CNBD1: variants seen among roughly 807,000 people sequenced by gnomAD.
CNBD1 encodes cyclic nucleotide binding domain containing 1.
CNBD1 carries 71 observed loss-of-function variants against 54.4 expected under a neutral mutation model. The ratio of observed to expected loss-of-function variants is 1.30; its 90% CI spans 1.08 to 1.59. CNBD1 has a LOEUF of 1.59. Among genes scored for constraint, CNBD1 ranks in the 40% most tolerant of loss-of-function variants. The pLI, the probability that CNBD1 is intolerant of heterozygous loss-of-function variation, is 0.00. For missense variants in CNBD1, 659 were observed against 518.0 expected, an observed-to-expected ratio of 1.27 and a Z score of -2.64; for synonymous variants, 182 against 170.7, an observed-to-expected ratio of 1.07 and a Z score of -0.51.
intron 6 of CNBD1, among the ~76,000 whole-genome samples, chr8:87,283,899 C>A (rs1383234672): frequency 6.6e-6 from 1 of 152,058 alleles, no homozygotes; most frequent in East Asian, 1.9e-4. Flanking sequence ...GACTGTTTGA[C>A]ATTTTAAATT....
chr8:86,996,489 T>G (rs1206200603), intron 4 of CNBD1, among the ~76,000 whole-genome samples: 1 of 152,256 alleles, frequency 6.6e-6, no homozygotes, highest in Non-Finnish European at 1.5e-5. Context: ...AAAACATTCC[T>G]CACATTGCTG....
rs117260202 is a variant in CNBD1 at position 87,372,828 on chromosome 8, C to T, written c.1304-9792C>T. On this transcript the variant is annotated intron_variant, in intron 10 of 10. Coordinates refer to ENST00000518476, the MANE Select transcript of CNBD1 (RefSeq NM_173538.3). The stretch of plus-strand genomic sequence containing the variant: ...TTATTTCTGTATGTAAACTATGCTT[C>T]CTTTTTATAGATGGTATAAGCCATG... 2.7e-3 allele frequency among the ~76,000 whole-genome samples: 409 copies of T among 151,810 alleles called. 1 individual carries two copies. Among genetic ancestry groups the T allele is most frequent in the Non-Finnish European group, 4.4e-3 (296 of 67,806 alleles).
intron 8 of CNBD1, among the ~76,000 whole-genome samples, chr8:87,336,672 A>G (rs1166366599): frequency 2.0e-5 from 3 of 151,980 alleles, no homozygotes; most frequent in Admixed American, 2.0e-4. Flanking sequence ...GTTTGTTATT[A>G]CCCACCTTCT....
At chr8:87,311,452 A>G (rs1809263565) in intron 8 of CNBD1, among the ~76,000 whole-genome samples, 1 of 152,114 alleles carries the variant, frequency 6.6e-6, no homozygotes, top group African/African-American at 2.4e-5. Flanking sequence ...AAAATAACAG[A>G]TGCTGGTGAG....
chr8:87,409,659 C>T (rs1377603020), intron 2 of CNBD1, among the ~76,000 whole-genome samples: 1 of 152,132 alleles, frequency 6.6e-6, no homozygotes, highest in Non-Finnish European at 1.5e-5. Flanking sequence ...CCTAATAAAG[C>T]TGATGACTTC....
chr8:87,327,024 A>G (rs959951790), intron 8 of CNBD1, among the ~76,000 whole-genome samples: 1 of 149,784 alleles, frequency 6.7e-6, no homozygotes, highest in African/African-American at 2.5e-5. Context: ...CTTCTAACAG[A>G]CAGCACCCTC....
At chr8:87,301,339 T>G (rs1358745107) in intron 8 of CNBD1, among the ~76,000 whole-genome samples, 2 of 152,080 alleles carry the variant, frequency 1.3e-5, no homozygotes, top group Admixed American at 1.3e-4. Flanking sequence ...CTCCTTAATT[T>G]ATTTTATGAA....
intron 4 of CNBD1, among the ~76,000 whole-genome samples, chr8:86,969,811 C>T (rs1028535270): frequency 6.6e-6 from 1 of 151,124 alleles, no homozygotes; most frequent in Non-Finnish European, 1.5e-5. Flanking sequence ...CACACACACA[C>T]ACACACACAC....
intron 4 of CNBD1, among the ~76,000 whole-genome samples, chr8:86,946,210 G>T (rs1346930827): frequency 1.3e-5 from 2 of 152,030 alleles, no homozygotes; most frequent in African/African-American, 2.4e-5. Context: ...GAATAATAAT[G>T]TGTTTCATTT....
intron 4 of CNBD1, among the ~76,000 whole-genome samples, chr8:87,167,569 G>A (rs1229673416): frequency 6.6e-6 from 1 of 151,598 alleles, no homozygotes; most frequent in Non-Finnish European, 1.5e-5. Flanking sequence ...TTTTTTTTCA[G>A]TGGGTTTAAC....
chr8:87,259,523 A>T (rs1305839168), intron 6 of CNBD1, among the ~76,000 whole-genome samples: 1 of 152,202 alleles, frequency 6.6e-6, no homozygotes, highest in Non-Finnish European at 1.5e-5. Flanking sequence ...ACTAAAAGAC[A>T]TTACTGTTTT....
intron 4 of CNBD1, among the ~76,000 whole-genome samples, chr8:87,006,140 A>G (rs1809092936): frequency 1.3e-5 from 2 of 152,180 alleles, no homozygotes; most frequent in South Asian, 4.1e-4. Context: ...AGATGGAGCA[A>G]GCATCTCTTT....
intron 5 of CNBD1, among the ~76,000 whole-genome samples, chr8:87,219,139 G>A (rs893355483): frequency 2.0e-5 from 3 of 151,894 alleles, no homozygotes; most frequent in Non-Finnish European, 4.4e-5. Context: ...GATACATGAG[G>A]CTTAGACATA....
At chr8:87,196,835 TAC>T (rs1360973382) in intron 4 of CNBD1, among the ~76,000 whole-genome samples, 1 of 152,198 alleles carries the variant, frequency 6.6e-6, no homozygotes, top group African/African-American at 2.4e-5. Context: ...ATCTCTGGAA[TAC>T]ACTAAAATTT....
chr8:87,150,325 A>G (rs1812578225), intron 4 of CNBD1, among the ~76,000 whole-genome samples: 1 of 152,220 alleles, frequency 6.6e-6, no homozygotes. Flanking sequence ...AATAGAGTGA[A>G]GGTCTATATG....
intron 4 of CNBD1, among the ~76,000 whole-genome samples, chr8:86,960,154 C>G (rs1807890101): frequency 6.6e-6 from 1 of 152,248 alleles, no homozygotes; most frequent in South Asian, 2.1e-4. Flanking sequence ...GTGGGTGCAG[C>G]CCACAGAGTG....
intron 4 of CNBD1, among the ~76,000 whole-genome samples, chr8:87,021,572 C>T (rs914610426): frequency 6.6e-6 from 1 of 152,172 alleles, no homozygotes; most frequent in African/African-American, 2.4e-5. Flanking sequence ...CAGTAGTTCT[C>T]AGCTATGGAC....
At chr8:86,985,815 A>G (rs555340194) in intron 4 of CNBD1, among the ~76,000 whole-genome samples, 1 of 152,332 alleles carries the variant, frequency 6.6e-6, no homozygotes, top group East Asian at 1.9e-4. Context: ...CATTCCCACC[A>G]ACAATGGTTA....
chr8:87,273,109 AAAT>A (rs1477706965), intron 6 of CNBD1, among the ~76,000 whole-genome samples: 1 of 151,996 alleles, frequency 6.6e-6, no homozygotes, highest in Admixed American at 6.6e-5. Flanking sequence ...TTAAAATTTC[AAAT>A]AATAGTAGTA....
Sources: gnomAD v4.1 joint callset for allele counts (sites outside exome capture counted in the v4.1 genomes callset) on GRCh38, gnomAD v4.1.1 for gene constraint, MANE v1.5 for transcripts, NCBI Gene and HGNC (gene_info 2026-07-23, HGNC 2026-07-21) for gene names.